The following LIMCH1 variants were observed in gnomAD, a reference collection of about 807,000 sequenced individuals.
LIMCH1 encodes the protein LIM and calponin homology domains 1, also known as LIM and calponin homology domains-containing protein 1.
LIMCH1 carries 113 observed loss-of-function variants against 176.5 expected under a neutral mutation model. That is an observed-to-expected ratio of 0.64 (90% confidence interval 0.55 to 0.75). LIMCH1 has a LOEUF of 0.75. Ranked by LOEUF, LIMCH1 falls within the 30% of genes least tolerant of loss-of-function variation. The pLI, the probability that LIMCH1 is intolerant of heterozygous loss-of-function variation, is 0.00. For synonymous variants in LIMCH1, 619 were observed against 645.9 expected, an observed-to-expected ratio of 0.96 and a Z score of 0.63; for missense variants, 1,674 against 1,814.9, an observed-to-expected ratio of 0.92 and a Z score of 1.41.
At chr4:41,565,641 G>A (rs1324019036) in intron 1 of LIMCH1, among the ~76,000 whole-genome samples, 2 of 152,052 alleles carry the variant, frequency 1.3e-5, no homozygotes, top group Non-Finnish European at 2.9e-5. Flanking sequence ...CTTACCACAA[G>A]TATGCTTGGA....
intron 29 of LIMCH1, among the ~76,000 whole-genome samples, chr4:41,689,225 T>A (rs1481272427): frequency 6.6e-6 from 1 of 152,232 alleles, no homozygotes; most frequent in Non-Finnish European, 1.5e-5. Flanking sequence ...TATTGAATCA[T>A]GTTGAGGCAT....
intron 1 of LIMCH1, among the ~76,000 whole-genome samples, chr4:41,452,058 C>T (rs543936558): frequency 6.6e-6 from 1 of 152,306 alleles, no homozygotes; most frequent in South Asian, 2.1e-4. Flanking sequence ...CCGCTTGGCT[C>T]TTCCCCTAGG....
intron 1 of LIMCH1, among the ~76,000 whole-genome samples, chr4:41,436,650 AC>A (rs2154138947): frequency 6.6e-6 from 1 of 152,306 alleles, no homozygotes; most frequent in Admixed American, 6.5e-5. Flanking sequence ...TGCTGTCAGG[AC>A]TGGAGACAGA....
intron 1 of LIMCH1, among the ~76,000 whole-genome samples, chr4:41,472,132 G>A (rs140236214): frequency 2.8e-4 from 42 of 152,340 alleles, no homozygotes; most frequent in African/African-American, 9.4e-4. Context: ...TTCAAGAGAA[G>A]CCATAAAGAA....
chr4:41,694,490 T>C (rs1728889968), intron 31 of LIMCH1, among the ~76,000 whole-genome samples: 1 of 152,214 alleles, frequency 6.6e-6, no homozygotes, highest in Non-Finnish European at 1.5e-5. Flanking sequence ...CATATAGTCA[T>C]GGTGTTCTGT....
At chr4:41,514,112 G>C (rs1309715632) in intron 2 of LIMCH1, among the ~76,000 whole-genome samples, 1 of 146,276 alleles carries the variant, frequency 6.8e-6, no homozygotes, top group Non-Finnish European at 1.5e-5. Context: ...TTCCAAAACT[G>C]ATGTTTTGAG....
At chr4:41,633,410 C>A in intron 12 of LIMCH1, 138 bp from the exon 13 acceptor site, 2 of 1,018,062 alleles carry the variant, frequency 2.0e-6, no homozygotes, top group Non-Finnish European at 2.8e-6. Flanking sequence ...GGGAGATTTC[C>A]TGCTCAGCTG....
chr4:41,650,322 A>T, intron 17 of LIMCH1, 71 bp from the exon 18 acceptor site: 1 of 1,055,794 alleles, frequency 9.5e-7, no homozygotes, highest in Non-Finnish European at 1.4e-6. Flanking sequence ...GTAATTCTGA[A>T]CGTGTCGTTT....
At chr4:41,537,252 T>C (rs140586903), upstream of LIMCH1, among the ~76,000 whole-genome samples, 28 of 152,344 alleles carry the variant, frequency 1.8e-4, no homozygotes, top group East Asian at 5.0e-3. Flanking sequence ...TTGTAAACAT[T>C]GTGTTTTATA....
chr4:41,602,231 G>A (rs1363934900), intron 2 of LIMCH1, among the ~76,000 whole-genome samples: 1 of 151,948 alleles, frequency 6.6e-6, no homozygotes, highest in African/African-American at 2.4e-5. Context: ...ACCTTGATGG[G>A]AAATGAAAGT....
Position 41,456,166 on chromosome 4 carries a change from G to A in LIMCH1, c.97-38370G>A, listed in dbSNP as rs193282105. ...GGCCTACTGAGGTTGTAAAACTTAC[G>A]ACTCCATAGCTGCATGAGCTTTAAT... is the stretch of plus-strand genomic sequence containing the variant. On this transcript the variant is annotated intron_variant, in intron 1 of 26. Coordinates refer to the LIMCH1 transcript ENST00000313860. 1.5e-3 allele frequency among the ~76,000 whole-genome samples: 224 copies of A among 152,230 alleles called. 1 individual carries two copies. The highest frequency in any genetic ancestry group is 5.3e-3 in the African/African-American group (219 of 41,544).
chr4:41,462,218 A>G (rs529024827), intron 1 of LIMCH1, among the ~76,000 whole-genome samples: 1 of 152,286 alleles, frequency 6.6e-6, no homozygotes, highest in South Asian at 2.1e-4. Context: ...ACATCTGTGT[A>G]TTGGTCCTAG....
intron 18 of LIMCH1, among the ~76,000 whole-genome samples, chr4:41,659,439 C>A (rs1447071440): frequency 6.6e-6 from 1 of 151,994 alleles, no homozygotes; most frequent in African/African-American, 2.4e-5. Flanking sequence ...ATTGTAAAAC[C>A]TTTTAGAAAC....
intron 2 of LIMCH1, among the ~76,000 whole-genome samples, chr4:41,523,157 T>G (rs1207114636): frequency 6.6e-6 from 1 of 152,214 alleles, no homozygotes; most frequent in African/African-American, 2.4e-5. Flanking sequence ...TTAAACCATT[T>G]GAAAAATTTT....
At chr4:41,504,880 A>C (rs184740002) in intron 2 of LIMCH1, among the ~76,000 whole-genome samples, 15 of 152,316 alleles carry the variant, frequency 9.8e-5, no homozygotes, top group Admixed American at 9.2e-4. Flanking sequence ...AATAGACCAA[A>C]AAATAGTCAG....
At chr4:41,576,518 T>A (rs915486763) in intron 1 of LIMCH1, among the ~76,000 whole-genome samples, 2 of 152,212 alleles carry the variant, frequency 1.3e-5, no homozygotes, top group Admixed American at 1.3e-4. Context: ...CATTGCAGCA[T>A]TTTTGTGGTA....
chr4:41,580,791 T>C (rs2085283406), intron 1 of LIMCH1, among the ~76,000 whole-genome samples: 1 of 152,054 alleles, frequency 6.6e-6, no homozygotes, highest in South Asian at 2.1e-4. Context: ...GAAAATAAGA[T>C]AGCAAAAGAG....
intron 2 of LIMCH1, chr4:41,494,694 T>C (rs1194370891): frequency 1.2e-6 from 1 of 861,800 alleles, no homozygotes; most frequent in South Asian, 1.7e-5. Context: ...GTGTTTTGTT[T>C]TGAATTTATT....
At position 41,606,071 on chromosome 4, in the gene LIMCH1, T is replaced by A. The variant is rs946701457; in HGVS notation, c.9+67T>A. 4.5e-6 allele frequency: 5 copies of A among 1,107,842 alleles called. No homozygotes were observed. The African/African-American group carries it at 7.7e-5, about 17-fold the overall frequency. 68.6% of individuals were successfully genotyped at this position (1,107,842 alleles called of 1,614,324 possible). A position where few individuals can be genotyped will look rare whatever the true frequency, so the allele number is the denominator to read the frequency against. On this transcript the variant is annotated intron_variant, in intron 4 of 31. Coordinates refer to ENST00000503057, the MANE Select transcript of LIMCH1 (RefSeq NM_001330672.2). ...GGTGGGAAAGCTACACATTTGCTTGTTTTTAAGATTACTAGAGTACTGGGT... is the reference window on the plus strand; with the variant it reads ...GGTGGGAAAGCTACACATTTGCTTGATTTTAAGATTACTAGAGTACTGGGT...
Sources: gnomAD v4.1 joint callset for allele counts (sites outside exome capture counted in the v4.1 genomes callset) on GRCh38, gnomAD v4.1.1 for gene constraint, MANE v1.5 for transcripts, NCBI Gene and HGNC (gene_info 2026-07-23, HGNC 2026-07-21) for gene names.